PFKP: variants seen among roughly 807,000 people sequenced by gnomAD.
PFKP encodes ATP-dependent 6-phosphofructokinase, platelet type.
A neutral mutation model predicts 94.3 loss-of-function variants in PFKP; 101 were observed. The observed-to-expected ratio is 1.07, with a 90% CI of 0.91 to 1.26. PFKP has a LOEUF of 1.26. PFKP is among the 50% of genes most tolerant of loss of function. The pLI, the probability that PFKP is intolerant of heterozygous loss-of-function variation, is 0.00. For missense variants in PFKP, 1,145 were observed against 1,103.3 expected (o/e 1.04, Z -0.53); for synonymous variants, 573 against 432.6 (o/e 1.32, Z -4.03).
At chr10:3,116,133 A>AATATATATATAT (rs140713081) in intron 13 of PFKP, among the ~76,000 whole-genome samples, 8 of 151,078 alleles carry the variant, frequency 5.3e-5, no homozygotes, top group South Asian at 2.1e-4. Context: ...GGTTCTGTCA[A>AATATATATATAT]ATATATATAT....
intron 5 of PFKP, 108 bp from the exon 6 acceptor site, chr10:3,105,007 A>G: frequency 9.3e-7 from 1 of 1,074,596 alleles, no homozygotes. Context: ...CTCGGCTGTC[A>G]AAGCCCCTTT....
chr10:3,110,731 T>C (rs1836120730), intron 10 of PFKP, among the ~76,000 whole-genome samples: 1 of 152,216 alleles, frequency 6.6e-6, no homozygotes, highest in Non-Finnish European at 1.5e-5. Context: ...TATGTATATG[T>C]GTGTGCATGT....
chr10:3,069,417 G>A, intron 1 of PFKP: 2 of 1,571,144 alleles, frequency 1.3e-6, no homozygotes, highest in Middle Eastern at 3.4e-4. Flanking sequence ...TTGGGGTCGG[G>A]ATAGGACCCA....
Position 3,075,433 on chromosome 10 carries a change from C to T in PFKP, c.113-6955C>T, listed in dbSNP as rs115040685. On this transcript the variant is annotated intron_variant, in intron 1 of 21. Coordinates refer to ENST00000381125, the MANE Select transcript of PFKP (RefSeq NM_002627.5). ...CAGTATTGAAGAGCCGATTCCAGAG[C>T]GGCTTCCCTCTGGAGCCAGTGGGGC... 7.4e-3 allele frequency among the ~76,000 whole-genome samples: 1,123 copies of T among 151,762 alleles called. 12 individuals are homozygous for T. The highest frequency in any genetic ancestry group is 0.026 in the African/African-American group (1,088 of 41,358).
chr10:3,122,975 C>T (rs996457200), intron 16 of PFKP, among the ~76,000 whole-genome samples: 11 of 152,182 alleles, frequency 7.2e-5, no homozygotes, highest in Non-Finnish European at 1.5e-4. Flanking sequence ...TGTTGTGCTT[C>T]GGAAGCCCTG....
chr10:3,105,249 C>T (rs1835419605), intron 6 of PFKP, 90 bp downstream of exon 6: 2 of 1,398,430 alleles, frequency 1.4e-6, no homozygotes, highest in East Asian at 2.3e-5. Context: ...ATCCTGAATG[C>T]TCCCGTGGAA....
At chr10:3,127,265 C>CGGG (rs1366980661) in intron 16 of PFKP, among the ~76,000 whole-genome samples, 1 of 152,244 alleles carries the variant, frequency 6.6e-6, no homozygotes, top group Non-Finnish European at 1.5e-5. Flanking sequence ...AGCACACAGT[C>CGGG]GGGGGCGTGG....
chr10:3,098,439 G>A (rs1196919690), intron 2 of PFKP, among the ~76,000 whole-genome samples: 1 of 151,980 alleles, frequency 6.6e-6, no homozygotes, highest in African/African-American at 2.4e-5. Context: ...ACTTTGGGAG[G>A]CTGAGGCAGG....
intron 19 of PFKP, among the ~76,000 whole-genome samples, 157 bp downstream of exon 19, chr10:3,133,471 C>T (rs531463882): frequency 6.6e-6 from 1 of 152,300 alleles, no homozygotes; most frequent in South Asian, 2.1e-4. Flanking sequence ...TGCTCTGTTG[C>T]CCAGGCTGGA....
intron 3 of PFKP, 118 bp from the exon 4 acceptor site, chr10:3,101,247 G>T: frequency 1.1e-6 from 1 of 887,656 alleles, no homozygotes. Context: ...TAACTCACAA[G>T]ATGAAAATGA....
chr10:3,109,973 C>G (rs1458957413), intron 10 of PFKP, among the ~76,000 whole-genome samples: 1 of 152,030 alleles, frequency 6.6e-6, no homozygotes, highest in Admixed American at 6.6e-5. Context: ...GGGACCTTCC[C>G]AAACTTCTCC....
At chr10:3,107,409 T>A in intron 8 of PFKP, 100 bp downstream of exon 8, 2 of 700,774 alleles carry the variant, frequency 2.9e-6, no homozygotes, top group Non-Finnish European at 2.5e-6. Flanking sequence ...AATTATTAAC[T>A]TTTTATCCTT....
chr10:3,083,398 T>C (rs1407187184), intron 2 of PFKP, among the ~76,000 whole-genome samples: 1 of 85,986 alleles, frequency 1.2e-5, no homozygotes, highest in African/African-American at 3.6e-5. Flanking sequence ...AAATATTTAA[T>C]GTTTAAATTT....
chr10:3,068,764 G>T (rs901863076), intron 1 of PFKP: 13 of 885,060 alleles, frequency 1.5e-5, no homozygotes, highest in Non-Finnish European at 1.8e-5. Flanking sequence ...CTTCCCAGGC[G>T]AACGCAACCT....
intron 1 of PFKP, among the ~76,000 whole-genome samples, chr10:3,080,534 A>T (rs1485059197): frequency 6.7e-6 from 1 of 149,900 alleles, no homozygotes; most frequent in African/African-American, 2.5e-5. Context: ...AAAAAAAAAA[A>T]AAAAAAGAGA....
chr10:3,126,527 T>C (rs1365551727), intron 16 of PFKP, among the ~76,000 whole-genome samples: 1 of 152,226 alleles, frequency 6.6e-6, no homozygotes, highest in African/African-American at 2.4e-5. Context: ...TGTGCTTTGC[T>C]GCGGGTTCCA....
intron 8 of PFKP, chr10:3,108,025 A>G: frequency 7.8e-7 from 1 of 1,288,972 alleles, no homozygotes; most frequent in Non-Finnish European, 1.0e-6. Flanking sequence ...AGCAAAGCAT[A>G]TCTCTGGATA....
In PFKP at chr10:3,136,507, G is replaced by T. The variant is rs200308458; in HGVS notation, c.2283G>T (p.Leu761=). 1 of 1,613,492 alleles carries T rather than the reference G, an allele frequency of 6.2e-7. No individual in the cohort carries two copies. Among genetic ancestry groups the T allele is most frequent in the Non-Finnish European group, 8.5e-7 (1 of 1,179,760 alleles). ...WLKLRPLMKI[L]AKYKASYDVS... ...AGCTACGGCCCCTCATGAAAATCCT[G>T]GCCAAGTACAAGGCCAGCTATGACG... is the stretch of plus-strand genomic sequence containing the variant. Residue 761 remains leucine (L), a synonymous_variant, in exon 22 of 22, where the codon CTG becomes CTT. Transcript: ENST00000381125.
chr10:3,112,261 C>T lies in PFKP; in HGVS notation c.1129C>T (p.Gln377Ter), dbSNP rs1229109844. Residue 377 changes from glutamine to a stop codon, truncating the protein, a stop_gained, in exon 11 of 22, where the codon CAA becomes TAA. Coordinates refer to ENST00000381125, the MANE Select transcript of PFKP (RefSeq NM_002627.5). LOFTEE classifies it high-confidence loss of function. ...VQKAMDERRF[Q>*]DAVRLRGRSF... Reference sequence around the variant, plus strand: ...GAAGGCGATGGACGAGAGGAGATTTCAAGATGCGGTTCGACTCCGAGGGAG... The same window carrying T: ...GAAGGCGATGGACGAGAGGAGATTTTAAGATGCGGTTCGACTCCGAGGGAG... 2 of 1,613,858 alleles carry T rather than the reference C, an allele frequency of 1.2e-6. No homozygotes were observed. Among genetic ancestry groups the T allele is most frequent in the Non-Finnish European group, 8.5e-7 (1 of 1,179,744 alleles).
Sources: gnomAD v4.1 joint callset for allele counts (sites outside exome capture counted in the v4.1 genomes callset) on GRCh38, gnomAD v4.1.1 for gene constraint, MANE v1.5 for transcripts, NCBI Gene and HGNC (gene_info 2026-07-23, HGNC 2026-07-21) for gene names.